SOS1: variants seen among roughly 807,000 people sequenced by gnomAD.
SOS1 encodes the protein son of sevenless homolog 1.
A neutral mutation model predicts 157.6 loss-of-function variants in SOS1; 25 were observed. That is an observed-to-expected ratio of 0.16 (90% CI 0.12 to 0.22). The LOEUF is 0.22. Ranked by LOEUF, SOS1 falls within the 10% of genes least tolerant of loss-of-function variation. SOS1 has a pLI of 1.00. For synonymous variants in SOS1, 528 were observed against 534.0 expected, an observed-to-expected ratio of 0.99 and a Z score of 0.16; for missense variants, 1,237 against 1,599.1, an observed-to-expected ratio of 0.77 and a Z score of 3.86.
chr2:39,076,493 C>A (rs1471451001), intron 1 of SOS1, among the ~76,000 whole-genome samples: 1 of 151,902 alleles, frequency 6.6e-6, no homozygotes, highest in African/African-American at 2.4e-5. Context: ...GGAACTAAGA[C>A]TGGTTCAACA....
chr2:39,107,325 A>C (rs1673231527), intron 1 of SOS1, among the ~76,000 whole-genome samples: 1 of 152,140 alleles, frequency 6.6e-6, no homozygotes. Flanking sequence ...CCTCCCAGTC[A>C]CTGACTGAGC....
At chr2:39,115,550 G>T (rs1438761207) in intron 1 of SOS1, among the ~76,000 whole-genome samples, 5 of 151,510 alleles carry the variant, frequency 3.3e-5, no homozygotes, top group African/African-American at 1.2e-4. Flanking sequence ...AAGCAGCTGG[G>T]ACTACAGGCT....
chr2:39,017,202 A>G (rs1669657995), intron 10 of SOS1, among the ~76,000 whole-genome samples: 1 of 152,054 alleles, frequency 6.6e-6, no homozygotes, highest in East Asian at 1.9e-4. Flanking sequence ...GTGATTCCTG[A>G]TTTAGTGCTC....
chr2:39,110,516 G>A (rs1272521984), intron 1 of SOS1, among the ~76,000 whole-genome samples: 1 of 151,604 alleles, frequency 6.6e-6, no homozygotes, highest in Non-Finnish European at 1.5e-5. Context: ...TAGGCATACT[G>A]CCTATGGCAC....
chr2:38,982,582 C>G lies in SOS1; in HGVS notation c.*3242G>C, dbSNP rs1668436097. 1 of 152,236 alleles carries G rather than the reference C, an allele frequency of 6.6e-6. No homozygotes were observed. The highest frequency in any genetic ancestry group is 3.4e-3 in the Middle Eastern group (1 of 294). The allele number at this position is 152,236 out of a possible 1,614,324, so 9.4% of individuals were successfully genotyped here. ...GAATAAGTAAACCTATTCACAGCAG[C>G]AGAATACCAAGAAATAAATGGTTAA... On this transcript the variant is annotated 3_prime_UTR_variant, in exon 23 of 23. Transcript: ENST00000402219.
chr2:39,119,423 G>C (rs1009442241), intron 1 of SOS1, among the ~76,000 whole-genome samples: 1 of 152,106 alleles, frequency 6.6e-6, no homozygotes, highest in Non-Finnish European at 1.5e-5. Context: ...TAGCATAAAA[G>C]GTAAAACATA....
At chr2:39,061,640 G>C in intron 2 of SOS1, among the ~76,000 whole-genome samples, 1 of 152,052 alleles carries the variant, frequency 6.6e-6, no homozygotes, top group Non-Finnish European at 1.5e-5. Context: ...CTTCTGCCTT[G>C]GCCTCCCAAA....
chr2:39,115,373 C>T (rs1302822047), intron 1 of SOS1, among the ~76,000 whole-genome samples: 1 of 147,832 alleles, frequency 6.8e-6, no homozygotes, highest in Non-Finnish European at 1.5e-5. Flanking sequence ...GAGATTCAGC[C>T]ATGTTGTCAT....
intron 3 of SOS1, among the ~76,000 whole-genome samples, chr2:39,057,454 G>A (rs186976927): frequency 6.6e-6 from 1 of 152,136 alleles, no homozygotes; most frequent in Non-Finnish European, 1.5e-5. Context: ...GAGAATATGG[G>A]CTTTTGTGGG....
chr2:39,087,714 G>A (rs1258371846), intron 1 of SOS1, among the ~76,000 whole-genome samples: 1 of 152,124 alleles, frequency 6.6e-6, no homozygotes, highest in Non-Finnish European at 1.5e-5. Flanking sequence ...TGTAACCCAG[G>A]TTGGAGTGCA....
intron 3 of SOS1, among the ~76,000 whole-genome samples, 175 bp from the exon 4 acceptor site, chr2:39,057,041 T>C (rs1671237493): frequency 6.6e-6 from 1 of 152,218 alleles, no homozygotes; most frequent in African/African-American, 2.4e-5. Flanking sequence ...GTATTACTAT[T>C]GAAAATGTAA....
At chr2:39,039,535 A>G (rs771306360) in intron 6 of SOS1, among the ~76,000 whole-genome samples, 7 of 152,210 alleles carry the variant, frequency 4.6e-5, no homozygotes, top group Non-Finnish European at 8.8e-5. Context: ...AGTAAGGTTG[A>G]GAATCTACTT....
chr2:39,051,115 C>A (rs1171400669), intron 6 of SOS1, 29 bp downstream of exon 6: 1 of 1,609,858 alleles, frequency 6.2e-7, no homozygotes, highest in Non-Finnish European at 8.5e-7. Flanking sequence ...TTTATGCAGA[C>A]TTTTCGGGTA....
At chr2:39,092,179 T>G (rs773511980) in intron 1 of SOS1, among the ~76,000 whole-genome samples, 35 of 152,192 alleles carry the variant, frequency 2.3e-4, no homozygotes, top group Non-Finnish European at 4.1e-4. Context: ...ACATATGCTA[T>G]ACTCTAGTCA....
chr2:39,013,419 T>C, intron 13 of SOS1, 41 bp downstream of exon 13: 1 of 1,136,736 alleles, frequency 8.8e-7, no homozygotes, highest in Non-Finnish European at 1.3e-6. Flanking sequence ...GTTGGTACTT[T>C]TATTACATAT....
At chr2:39,121,125 G>A (rs1271256504), upstream of SOS1, 3 of 153,624 alleles carry the variant, frequency 2.0e-5, no homozygotes, top group African/African-American at 4.8e-5. Flanking sequence ...GAAAGCTCGA[G>A]AGAGAAAGAG....
At chr2:39,087,908 G>A (rs1208931512) in intron 1 of SOS1, among the ~76,000 whole-genome samples, 2 of 151,706 alleles carry the variant, frequency 1.3e-5, no homozygotes, top group East Asian at 2.0e-4. Context: ...TGAACTCCTG[G>A]GCTCAAGTAA....
intron 1 of SOS1, among the ~76,000 whole-genome samples, chr2:39,103,259 A>G (rs967987699): frequency 6.6e-6 from 1 of 152,136 alleles, no homozygotes; most frequent in Non-Finnish European, 1.5e-5. Flanking sequence ...ATTCGATGCA[A>G]TCTCTATCAA....
upstream of SOS1, among the ~76,000 whole-genome samples, chr2:39,122,465 CACACACACAT>C (rs1240680954): frequency 1.4e-5 from 2 of 145,946 alleles, no homozygotes; most frequent in East Asian, 4.3e-4. Context: ...CACACACACA[CACACACACAT>C]ACACACAGAC....
Sources: allele counts gnomAD v4.1 joint callset (sites outside exome capture counted in the v4.1 genomes callset), GRCh38; gene constraint gnomAD v4.1.1; transcripts MANE v1.5; gene names NCBI Gene and HGNC (gene_info 2026-07-23, HGNC 2026-07-21).